RGS17: variants seen among roughly 807,000 people sequenced by gnomAD.
The protein encoded by RGS17 is regulator of G protein signaling 17.
In RGS17, 12 loss-of-function variants were observed where a neutral mutation model predicts 25.5. The observed-to-expected ratio is 0.47, with a 90% CI of 0.30 to 0.76. RGS17 has a LOEUF of 0.76. RGS17 is among the 30% of genes least tolerant of loss of function. The pLI is 0.07. For synonymous variants in RGS17, 71 were observed against 76.9 expected (o/e 0.92, Z 0.40); for missense variants, 196 against 242.2 (o/e 0.81, Z 1.27).
chr6:153,028,939 C>T (rs968539), intron 2 of RGS17, among the ~76,000 whole-genome samples: 53,164 of 151,928 alleles, frequency 0.35, 9,690 homozygotes, highest in South Asian at 0.46. Flanking sequence ...GTGCCTTTGC[C>T]GTAGAGTGAC....
chr6:153,042,103 C>T (rs1389136730), intron 2 of RGS17, among the ~76,000 whole-genome samples: 2 of 152,182 alleles, frequency 1.3e-5, no homozygotes, highest in Admixed American at 6.5e-5. Context: ...TAAGTCATTA[C>T]ATGGTACTTC....
intron 4 of RGS17, among the ~76,000 whole-genome samples, chr6:153,015,669 T>G (rs1562311908): frequency 6.6e-6 from 1 of 151,910 alleles, no homozygotes. Flanking sequence ...TTTTTTTGTT[T>G]TTTTTTTTTA....
At chr6:153,032,744 G>A (rs995451992) in intron 2 of RGS17, among the ~76,000 whole-genome samples, 2 of 152,012 alleles carry the variant, frequency 1.3e-5, no homozygotes, top group African/African-American at 4.8e-5. Flanking sequence ...TTCCTTTTTG[G>A]TATTTACAAA....
chr6:153,012,456 A>G (rs1486416008), intron 4 of RGS17, among the ~76,000 whole-genome samples: 1 of 152,216 alleles, frequency 6.6e-6, no homozygotes, highest in Non-Finnish European at 1.5e-5. Context: ...TAATCAATAC[A>G]GTGTTATTTG....
At chr6:153,087,806 T>C (rs1777072344) in intron 1 of RGS17, among the ~76,000 whole-genome samples, 1 of 152,154 alleles carries the variant, frequency 6.6e-6, no homozygotes, top group Non-Finnish European at 1.5e-5. Flanking sequence ...GGATCTAATT[T>C]CCAGGTGATT....
chr6:153,076,083 C>T (rs886925962), intron 1 of RGS17, among the ~76,000 whole-genome samples: 1 of 152,032 alleles, frequency 6.6e-6, no homozygotes, highest in African/African-American at 2.4e-5. Context: ...AATACAAACA[C>T]AAATAAACCT....
At chr6:153,103,509 G>A (rs1251663057) in intron 1 of RGS17, among the ~76,000 whole-genome samples, 1 of 152,114 alleles carries the variant, frequency 6.6e-6, no homozygotes, top group Non-Finnish European at 1.5e-5. Context: ...ACCATATTAT[G>A]TTAAAGTGCA....
chr6:153,088,360 A>T (rs1777080576), intron 1 of RGS17, among the ~76,000 whole-genome samples: 1 of 152,204 alleles, frequency 6.6e-6, no homozygotes, highest in Non-Finnish European at 1.5e-5. Context: ...TAAATAACTA[A>T]TACAGATGTT....
chr6:153,089,054 A>G (rs1034246327), intron 1 of RGS17, among the ~76,000 whole-genome samples: 1 of 152,114 alleles, frequency 6.6e-6, no homozygotes. Flanking sequence ...GCTCCCACCT[A>G]TAAAAGGATT....
At chr6:153,017,683 CCTTT>C (rs541161701) in intron 4 of RGS17, among the ~76,000 whole-genome samples, 20 of 152,004 alleles carry the variant, frequency 1.3e-4, no homozygotes, top group Non-Finnish European at 2.5e-4. Flanking sequence ...CTGTAGAGAA[CCTTT>C]CTTTATGTTA....
At chr6:153,044,195 A>G (rs895002120) in intron 1 of RGS17, among the ~76,000 whole-genome samples, 152 bp from the exon 2 acceptor site, 9 of 152,242 alleles carry the variant, frequency 5.9e-5, no homozygotes, top group Admixed American at 5.2e-4. Context: ...AAAAATTCTC[A>G]GGAAAACTTT....
Position 153,054,116 on chromosome 6 carries a change from GTATA to G in RGS17, c.-25-10077_-25-10074del, listed in dbSNP as rs1197939021. 3.6e-4 allele frequency among the ~76,000 whole-genome samples: 14 copies of G among 38,638 alleles called. 2 individuals are homozygous for G. Among genetic ancestry groups the G allele is most frequent in the Admixed American group, 6.9e-4 (2 of 2,912 alleles). 25.3% of individuals were successfully genotyped at this position (38,638 alleles called of 152,430 possible). A position where few individuals can be genotyped will look rare whatever the true frequency, so the allele number is the denominator to read the frequency against. On this transcript the variant is annotated intron_variant, in intron 1 of 4. Coordinates refer to ENST00000206262, the MANE Select transcript of RGS17 (RefSeq NM_012419.5). ...TTTATATATATATATATATATATGT[GTATA>G]TATATATATATACAGCTTTATACCA...
In RGS17 at chr6:153,009,163, C is replaced by A. The variant is rs765251229; in HGVS notation, c.*2411G>T. On this transcript the variant is annotated 3_prime_UTR_variant, in exon 5 of 5. Coordinates refer to ENST00000206262, the MANE Select transcript of RGS17 (RefSeq NM_012419.5). ...GTAAAATATTAAAGATATTGTCAAACAGACAATTCATCTAATAGTCCAAAG... is the reference window on the plus strand; with the variant it reads ...GTAAAATATTAAAGATATTGTCAAAAAGACAATTCATCTAATAGTCCAAAG... 6 of 152,088 alleles carry A rather than the reference C, an allele frequency of 3.9e-5. No individual in the cohort carries two copies. The highest frequency in any genetic ancestry group is 7.2e-5 in the African/African-American group (3 of 41,424). 9.4% of individuals were successfully genotyped at this position (152,088 alleles called of 1,614,324 possible).
In RGS17 at chr6:153,010,543, A is replaced by G. The variant is rs1779119962; in HGVS notation, c.*1031T>C. 1 of 152,076 alleles carries G rather than the reference A, an allele frequency of 6.6e-6. No homozygotes were observed. The highest frequency in any genetic ancestry group is 1.5e-5 in the Non-Finnish European group (1 of 67,928). 9.4% of individuals were successfully genotyped at this position (152,076 alleles called of 1,614,324 possible). On this transcript the variant is annotated 3_prime_UTR_variant, in exon 5 of 5. Transcript: ENST00000206262. Reference sequence around the variant, plus strand: ...TTTCCTGGTAAAAACTTAGCTTTTCATTGGATTTCACTTTCAAGGAAAATA... The same window carrying G: ...TTTCCTGGTAAAAACTTAGCTTTTCGTTGGATTTCACTTTCAAGGAAAATA...
At chr6:153,015,678 T>TGAGACAG (rs1562311915) in intron 4 of RGS17, among the ~76,000 whole-genome samples, 1 of 151,924 alleles carries the variant, frequency 6.6e-6, no homozygotes, top group Non-Finnish European at 1.5e-5. Context: ...TTTTTTTTTT[T>TGAGACAG]AGTCTCGCTC....
At chr6:153,073,128 A>G (rs533975213) in intron 1 of RGS17, among the ~76,000 whole-genome samples, 11 of 152,336 alleles carry the variant, frequency 7.2e-5, no homozygotes, top group Non-Finnish European at 1.3e-4. Context: ...TGTCCCCTTC[A>G]CTGCAAATGC....
intron 1 of RGS17, among the ~76,000 whole-genome samples, chr6:153,113,282 T>C (rs145745004): frequency 0.013 from 1,924 of 152,242 alleles, 36 homozygotes; most frequent in African/African-American, 0.044. Flanking sequence ...TTGGCCATCC[T>C]TGTCTCTGAT....
At chr6:153,030,758 AAACACTGGTTC>A (rs1283599374) in intron 2 of RGS17, among the ~76,000 whole-genome samples, 3 of 152,228 alleles carry the variant, frequency 2.0e-5, no homozygotes, top group Non-Finnish European at 4.4e-5. Context: ...AATGTGTATG[AAACACTGGTTC>A]ATGCAACATT....
intron 2 of RGS17, among the ~76,000 whole-genome samples, chr6:153,042,563 CT>C (rs1271221923): frequency 6.6e-6 from 1 of 152,174 alleles, no homozygotes; most frequent in African/African-American, 2.4e-5. Context: ...CATTAAACCT[CT>C]TTTTCTTTAT....
Sources: gnomAD v4.1 joint callset for allele counts (sites outside exome capture counted in the v4.1 genomes callset) on GRCh38, gnomAD v4.1.1 for gene constraint, MANE v1.5 for transcripts, NCBI Gene and HGNC (gene_info 2026-07-23, HGNC 2026-07-21) for gene names.